TTC39B: variants seen among roughly 807,000 people sequenced by gnomAD.
The protein encoded by TTC39B is tetratricopeptide repeat protein 39B.
In TTC39B, 92 loss-of-function variants were observed where a neutral mutation model predicts 96.6. The ratio of observed to expected loss-of-function variants is 0.95; its 90% CI spans 0.80 to 1.13. The LOEUF is 1.13. TTC39B is among the 50% of genes most tolerant of loss of function. TTC39B has a pLI of 0.00. For synonymous variants in TTC39B, 367 were observed against 299.4 expected (o/e 1.23, Z -2.33); for missense variants, 955 against 809.3 (o/e 1.18, Z -2.18).
chr9:15,225,231 G>A (rs769762697), intron 3 of TTC39B, among the ~76,000 whole-genome samples: 1 of 151,944 alleles, frequency 6.6e-6, no homozygotes, highest in Non-Finnish European at 1.5e-5. Flanking sequence ...GTAGATTACT[G>A]AACAGTATAT....
chr9:15,266,255 T>A (rs192383326), intron 2 of TTC39B, among the ~76,000 whole-genome samples: 4,328 of 151,834 alleles, frequency 0.029, 130 homozygotes, highest in African/African-American at 0.079. Flanking sequence ...GTTTTTTTTT[T>A]AAAAAATCAT....
chr9:15,306,983 AG>A lies in TTC39B; in HGVS notation c.240+100del. ...CCAGCCCACCCCAGAGAGGGGACCA[AG>A]GGGGCGGGGCCTCGGCCGTCCTAGC... On this transcript the variant is annotated intron_variant, in intron 1 of 19. Transcript: ENST00000512701. The surrounding 1 kb of genome is among the most constrained non-coding windows in gnomAD (Gnocchi z 5.1). The A allele has an allele frequency of 1.3e-6, 2 of 1,519,120 alleles. No individual in the cohort carries two copies. The highest frequency in any genetic ancestry group is 2.5e-5 in the East Asian group (1 of 40,516). The allele number at this position is 1,519,120 out of a possible 1,614,324, so 94.1% of individuals were successfully genotyped here.
At chr9:15,263,008 T>C (rs557293937) in intron 2 of TTC39B, among the ~76,000 whole-genome samples, 1 of 152,304 alleles carries the variant, frequency 6.6e-6, no homozygotes, top group East Asian at 1.9e-4. Flanking sequence ...AACAAAAAGT[T>C]CACATAAAAA....
intron 1 of TTC39B, among the ~76,000 whole-genome samples, chr9:15,285,721 G>A (rs1382453623): frequency 6.6e-6 from 1 of 152,082 alleles, no homozygotes; most frequent in Non-Finnish European, 1.5e-5. Context: ...CGGGCTTGGT[G>A]GCGGGCGCCT....
chr9:15,204,868 G>A (rs761525981), intron 6 of TTC39B, among the ~76,000 whole-genome samples: 16 of 152,102 alleles, frequency 1.1e-4, no homozygotes, highest in African/African-American at 1.7e-4. Flanking sequence ...AGGGACCTGC[G>A]GAGTACCCCA....
chr9:15,250,591 CAT>C lies in TTC39B; in HGVS notation c.275+17321_275+17322del, dbSNP rs554162018. ...TTAAATTAGCAAAGGGAATTAAACA[CAT>C]ATATGACATGACAGTCATACCAAGA... is the stretch of plus-strand genomic sequence containing the variant. On this transcript the variant is annotated intron_variant, in intron 2 of 19. Transcript: ENST00000512701. Among the ~76,000 whole-genome samples the C allele has an allele frequency of 1.8e-3, 277 of 152,274 alleles. 1 individual carries two copies. Among genetic ancestry groups the C allele is most frequent in the Middle Eastern group, 3.4e-3 (1 of 294 alleles).
intron 8 of TTC39B, among the ~76,000 whole-genome samples, chr9:15,193,080 G>C (rs544005721): frequency 6.6e-6 from 1 of 152,316 alleles, no homozygotes; most frequent in East Asian, 1.9e-4. Context: ...CTGAGGAAAT[G>C]AAATGCTACT....
intron 1 of TTC39B, among the ~76,000 whole-genome samples, chr9:15,305,860 C>G (rs745913533): frequency 6.6e-6 from 1 of 151,960 alleles, no homozygotes; most frequent in Non-Finnish European, 1.5e-5. Flanking sequence ...CACAGCAAAT[C>G]TCCTACAAAC....
chr9:15,187,986 C>G (rs776488537), exon 14 of TTC39B: 1 of 1,596,768 alleles, frequency 6.3e-7, no homozygotes, highest in Non-Finnish European at 8.5e-7. Context: ...ACCATTTACT[C>G]TCTTTGCAAA....
chr9:15,258,231 G>C (rs1369885082), intron 2 of TTC39B, among the ~76,000 whole-genome samples: 5 of 152,124 alleles, frequency 3.3e-5, no homozygotes, highest in South Asian at 2.1e-4. Flanking sequence ...TAATAGAGCG[G>C]AGAGAGAGGA....
At chr9:15,241,316 A>C (rs1156385060) in intron 2 of TTC39B, among the ~76,000 whole-genome samples, 1 of 152,190 alleles carries the variant, frequency 6.6e-6, no homozygotes, top group Non-Finnish European at 1.5e-5. Context: ...AACTCTGCAA[A>C]ACAATGAAAC....
In TTC39B at chr9:15,226,533, C is replaced by T. The variant is rs1001006182; in HGVS notation, c.276-521G>A. Among the ~76,000 whole-genome samples the T allele has an allele frequency of 3.9e-5, 6 of 152,102 alleles. No homozygotes were observed. The East Asian group carries it at 1.2e-3, about 29-fold the overall frequency. On this transcript the variant is annotated intron_variant, in intron 2 of 19. Transcript: ENST00000512701. ...TCATTTTCAGGCATGTAGGTTACTC[C>T]CAAAGTTTTGGCATTACAAACTACT... is the stretch of plus-strand genomic sequence containing the variant.
intron 1 of TTC39B, 131 bp from the exon 2 acceptor site, chr9:15,268,079 T>A (rs1043445220): frequency 1.5e-6 from 1 of 671,854 alleles, no homozygotes; most frequent in Non-Finnish European, 2.5e-6. Flanking sequence ...GGCAGTAGAA[T>A]CAATCAACTT....
At chr9:15,186,862 A>AC in intron 15 of TTC39B, 82 bp downstream of exon 15, 1 of 1,297,688 alleles carries the variant, frequency 7.7e-7, no homozygotes, top group Non-Finnish European at 1.1e-6. Flanking sequence ...GGCCCAGCTA[A>AC]TTTTTTGTAT....
chr9:15,208,175 C>T (rs1006345098), intron 6 of TTC39B, among the ~76,000 whole-genome samples: 1 of 151,458 alleles, frequency 6.6e-6, no homozygotes, highest in Non-Finnish European at 1.5e-5. Flanking sequence ...TAGGTGTGCG[C>T]CACCATGCCT....
chr9:15,182,438 AT>A, intron 16 of TTC39B, 23 bp from the exon 17 acceptor site: 1 of 1,536,216 alleles, frequency 6.5e-7, no homozygotes, highest in South Asian at 1.1e-5. Flanking sequence ...AATGAAAACC[AT>A]TTGCAGTTAT....
intron 2 of TTC39B, among the ~76,000 whole-genome samples, chr9:15,253,202 T>C (rs951182024): frequency 1.3e-5 from 2 of 152,194 alleles, no homozygotes; most frequent in Non-Finnish European, 2.9e-5. Context: ...TTTATAGATA[T>C]TAGGGATCCT....
chr9:15,167,007 TATATATATATA>T lies in TTC39B; in HGVS notation c.*5001_*5011del, dbSNP rs1817536231. On this transcript the variant is annotated 3_prime_UTR_variant, in exon 20 of 20. Coordinates refer to ENST00000512701, the Ensembl canonical transcript of TTC39B. ...TTATATATATATATATATATATATA[TATATATATATA>T]TATATATATATTTTTTTTTTTTTTT... 12 of 7,378 alleles carry T rather than the reference TATATATATATA, an allele frequency of 1.6e-3. 1 individual carries two copies. The highest frequency in any genetic ancestry group is 2.6e-3 in the Non-Finnish European group (10 of 3,832). The allele number at this position is 7,378 out of a possible 1,614,324, so 0.5% of individuals were successfully genotyped here.
chr9:15,305,606 T>A (rs1029262991), intron 1 of TTC39B, among the ~76,000 whole-genome samples: 1 of 151,734 alleles, frequency 6.6e-6, no homozygotes, highest in African/African-American at 2.4e-5. Flanking sequence ...AGTATCTGTG[T>A]GCCAGGCTCT....
Sources: allele counts gnomAD v4.1 joint callset (sites outside exome capture counted in the v4.1 genomes callset), GRCh38; gene constraint gnomAD v4.1.1; non-coding constraint Gnocchi (gnomAD v3.1); transcripts MANE v1.5; gene names NCBI Gene and HGNC (gene_info 2026-07-23, HGNC 2026-07-21).